METTL22: variants seen among roughly 807,000 people sequenced by gnomAD.
The protein encoded by METTL22 is methyltransferase-like protein 22.
Under a neutral mutation model 48.4 loss-of-function variants are expected in METTL22, and 51 were observed. That is an observed-to-expected ratio of 1.05 (90% CI 0.84 to 1.33). The LOEUF (loss-of-function observed/expected upper bound fraction) is 1.33. Among genes scored for constraint, METTL22 ranks in the 40% most tolerant of loss-of-function variants. METTL22 has a pLI of 0.00. For synonymous variants in METTL22, 255 were observed against 214.1 expected, an observed-to-expected ratio of 1.19 and a Z score of -1.67; for missense variants, 678 against 526.9, an observed-to-expected ratio of 1.29 and a Z score of -2.81.
At chr16:8,643,183 A>G (rs2056678501) in intron 9 of METTL22, among the ~76,000 whole-genome samples, 1 of 152,202 alleles carries the variant, frequency 6.6e-6, no homozygotes, top group Admixed American at 6.5e-5. Flanking sequence ...TTCACCCAGC[A>G]ATTCAGCATC....
chr16:8,655,695 T>C, the METTL22 span, among the ~76,000 whole-genome samples: 1 of 152,214 alleles, frequency 6.6e-6, no homozygotes, highest in African/African-American at 2.4e-5. Flanking sequence ...GAAGAGGCAC[T>C]GAATCTGGAA....
intron 5 of METTL22, among the ~76,000 whole-genome samples, chr16:8,638,566 C>G (rs773983765): frequency 2.0e-5 from 3 of 152,160 alleles, no homozygotes; most frequent in Non-Finnish European, 4.4e-5. Context: ...CTGTTTGAAT[C>G]TGCTCTGTGT....
At chr16:8,657,318 A>G in the METTL22 span, among the ~76,000 whole-genome samples, 2 of 152,246 alleles carry the variant, frequency 1.3e-5, no homozygotes, top group African/African-American at 4.8e-5. Flanking sequence ...CATGAAGGAT[A>G]TTATTCTCGG....
intron 1 of METTL22, among the ~76,000 whole-genome samples, 200 bp from the exon 2 acceptor site, chr16:8,625,296 T>C (rs1567225018): frequency 6.6e-6 from 1 of 152,162 alleles, no homozygotes; most frequent in Admixed American, 6.5e-5. Context: ...GGTTATGATA[T>C]TCCCCTGTAT....
chr16:8,663,389 G>A, the METTL22 span, among the ~76,000 whole-genome samples: 1 of 152,032 alleles, frequency 6.6e-6, no homozygotes, highest in African/African-American at 2.4e-5. Context: ...TCGCCTAAGT[G>A]TTACTTGACT....
Position 8,648,232 on chromosome 16 carries a change from AG to A in METTL22, c.*2091del, listed in dbSNP as rs1567251761. 1 of 152,666 alleles carries A rather than the reference AG, an allele frequency of 6.6e-6. No homozygotes were observed. Among genetic ancestry groups the A allele is most frequent in the African/African-American group, 2.4e-5 (1 of 41,428 alleles). The allele number at this position is 152,666 out of a possible 1,614,324, so 9.5% of individuals were successfully genotyped here. Reference sequence around the variant, plus strand: ...TCCCAGCTACTTGGGAGGCCGAGGCAGGAGAATCGCTTGAACCTGGGAGGCG... The same window carrying A: ...TCCCAGCTACTTGGGAGGCCGAGGCAGAGAATCGCTTGAACCTGGGAGGCG... On this transcript the variant is annotated 3_prime_UTR_variant, in exon 11 of 11. Transcript: ENST00000381920.
At chr16:8,661,710 T>C in the METTL22 span, among the ~76,000 whole-genome samples, 1 of 143,616 alleles carries the variant, frequency 7.0e-6, no homozygotes, top group South Asian at 2.3e-4. Flanking sequence ...GTACTCATAT[T>C]ATTTTATTCT....
intron 3 of METTL22, among the ~76,000 whole-genome samples, chr16:8,634,709 GA>G (rs2056370312): frequency 6.6e-6 from 1 of 152,146 alleles, no homozygotes; most frequent in Non-Finnish European, 1.5e-5. Context: ...TATTGGTCAT[GA>G]AAAAAGTAGT....
chr16:8,661,053 C>A, the METTL22 span, among the ~76,000 whole-genome samples: 2 of 152,138 alleles, frequency 1.3e-5, no homozygotes, highest in African/African-American at 4.8e-5. Context: ...TGTTCTCCTC[C>A]CCCAGGTTCC....
intron 5 of METTL22, among the ~76,000 whole-genome samples, chr16:8,635,663 A>T (rs919350510): frequency 1.3e-5 from 2 of 152,182 alleles, no homozygotes; most frequent in Non-Finnish European, 2.9e-5. Context: ...CAAGTTTATT[A>T]TTTTTTTCCT....
intron 3 of METTL22, among the ~76,000 whole-genome samples, chr16:8,630,225 G>A (rs752816047): frequency 2.0e-5 from 3 of 152,180 alleles, no homozygotes; most frequent in Non-Finnish European, 4.4e-5. Flanking sequence ...GCGCCTCCAC[G>A]GTGGTACCAA....
chr16:8,629,097 T>G lies in METTL22; in HGVS notation c.501T>G (p.Asp167Glu). The change falls in exon 3 of 11, where the codon GAT becomes GAG. Residue 167 changes from aspartate (D) to glutamate (E), a missense_variant. Coordinates refer to ENST00000381920, the MANE Select transcript of METTL22 (RefSeq NM_024109.4). ...AGGAAGCACAAGGCAGCCCGCACGA[T>G]ATCATCAGAATAGGTAAATAGAGGT... Reference protein sequence around the residue: ...LGEEAQGSPHDIIRIEHTMAT... With the variant: ...LGEEAQGSPHEIIRIEHTMAT... 1 of 1,613,038 alleles carries G rather than the reference T, an allele frequency of 6.2e-7. No individual in the cohort carries two copies. The highest frequency in any genetic ancestry group is 1.1e-5 in the South Asian group (1 of 91,078).
chr16:8,658,241 G>T, the METTL22 span, among the ~76,000 whole-genome samples: 5 of 152,246 alleles, frequency 3.3e-5, no homozygotes, highest in Admixed American at 6.5e-5. Context: ...GAAACTGGAA[G>T]AGGCAAGGAA....
At chr16:8,631,198 T>G (rs919203831) in intron 3 of METTL22, 1 of 152,178 alleles carries the variant, frequency 6.6e-6, no homozygotes, top group Non-Finnish European at 1.5e-5. Flanking sequence ...TTTGAGAAAC[T>G]GGTTTTTCTA....
chr16:8,631,801 A>G (rs564907776), intron 3 of METTL22: 8 of 152,268 alleles, frequency 5.3e-5, no homozygotes, highest in Non-Finnish European at 1.5e-5. Flanking sequence ...TTCTCATGAT[A>G]CCTTTGGGAT....
At chr16:8,628,138 C>G (rs1455224958) in intron 2 of METTL22, among the ~76,000 whole-genome samples, 1 of 152,208 alleles carries the variant, frequency 6.6e-6, no homozygotes, top group Admixed American at 6.5e-5. Context: ...TTACTATATT[C>G]CTGGTAATTA....
At chr16:8,637,457 A>G (rs570628346) in intron 5 of METTL22, among the ~76,000 whole-genome samples, 107 of 152,364 alleles carry the variant, frequency 7.0e-4, no homozygotes, top group African/African-American at 2.4e-3. Flanking sequence ...GAAAGCTTGC[A>G]TTTAGATGCC....
chr16:8,639,050 G>T (rs369689160), intron 5 of METTL22, 41 bp from the exon 6 acceptor site: 5 of 1,600,062 alleles, frequency 3.1e-6, no homozygotes, highest in Non-Finnish European at 4.3e-6. Flanking sequence ...TAAAAGTGTC[G>T]TAGTGGCTGG....
At chr16:8,632,940 A>G (rs1019613403) in intron 3 of METTL22, among the ~76,000 whole-genome samples, 3 of 152,184 alleles carry the variant, frequency 2.0e-5, no homozygotes, top group Non-Finnish European at 4.4e-5. Context: ...ACATAGGACC[A>G]AGATCACTAT....
Sources: gnomAD v4.1 joint callset for allele counts (sites outside exome capture counted in the v4.1 genomes callset) on GRCh38, gnomAD v4.1.1 for gene constraint, MANE v1.5 for transcripts, NCBI Gene and HGNC (gene_info 2026-07-23, HGNC 2026-07-21) for gene names.